CSMD2: variants seen among roughly 807,000 people sequenced by gnomAD.
The protein encoded by CSMD2 is CUB and Sushi multiple domains 2, also known as CUB and sushi domain-containing protein 2.
In CSMD2, 130 loss-of-function variants were observed where a neutral mutation model predicts 398.5. The observed-to-expected ratio is 0.33, with a 90% CI of 0.28 to 0.38. CSMD2 has a LOEUF of 0.38. Among genes scored for constraint, CSMD2 ranks in the 10% least tolerant of loss-of-function variants. The probability of loss-of-function intolerance (pLI) is 1.00; values close to 1 mark genes in which losing one functional copy is unlikely to be tolerated. For synonymous variants in CSMD2, 1,828 were observed against 1,908.5 expected (o/e 0.96, Z 1.10); for missense variants, 3,829 against 4,764.9 (o/e 0.80, Z 5.78).
chr1:33,946,971 T>G (rs1054007297), intron 3 of CSMD2, among the ~76,000 whole-genome samples: 2 of 152,124 alleles, frequency 1.3e-5, no homozygotes, highest in Non-Finnish European at 2.9e-5. Flanking sequence ...GTTTTCTGTT[T>G]GTCTGGGTCA....
At chr1:33,728,400 C>A (rs1646612196) in intron 15 of CSMD2, among the ~76,000 whole-genome samples, 1 of 151,718 alleles carries the variant, frequency 6.6e-6, no homozygotes, top group Non-Finnish European at 1.5e-5. Flanking sequence ...TTAATAGAAA[C>A]TTATATTAGG....
chr1:34,029,645 C>G (rs1650157281), intron 3 of CSMD2, among the ~76,000 whole-genome samples: 1 of 152,234 alleles, frequency 6.6e-6, no homozygotes, highest in Admixed American at 6.5e-5. Context: ...GGGTGTCTGA[C>G]TCCTTTGTTA....
intron 45 of CSMD2, 72 bp from the exon 46 acceptor site, chr1:33,586,689 G>A: frequency 2.1e-6 from 2 of 954,158 alleles, no homozygotes; most frequent in Non-Finnish European, 3.4e-6. Context: ...CCACTTCCAG[G>A]TGAGATAATC....
intron 3 of CSMD2, among the ~76,000 whole-genome samples, chr1:33,968,949 G>T (rs1645655419): frequency 6.6e-6 from 1 of 152,198 alleles, no homozygotes; most frequent in African/African-American, 2.4e-5. Context: ...TCAGGCCTCT[G>T]CTAGCCTTCA....
At position 33,648,361 on chromosome 1, in the gene CSMD2, C is replaced by CAAAAAAA. The variant is rs61207590; in HGVS notation, c.4587-1533_4587-1527dup. ...TGGGTGACAGAGCGAGACTCTGTCT[C>CAAAAAAA]AAAAAAAAAAAAAAAAAAGCAGAGC... On this transcript the variant is annotated intron_variant, in intron 28 of 70. Coordinates refer to ENST00000373381, the MANE Select transcript of CSMD2 (RefSeq NM_001281956.2). 2.1e-3 allele frequency among the ~76,000 whole-genome samples: 147 copies of CAAAAAAA among 71,608 alleles called. 1 individual carries two copies. Among genetic ancestry groups the CAAAAAAA allele is most frequent in the East Asian group, 7.2e-3 (16 of 2,212 alleles). 47.0% of individuals were successfully genotyped at this position (71,608 alleles called of 152,430 possible).
At chr1:33,826,090 C>T (rs1658778984) in intron 6 of CSMD2, among the ~76,000 whole-genome samples, 1 of 152,328 alleles carries the variant, frequency 6.6e-6, no homozygotes, top group Middle Eastern at 3.4e-3. Flanking sequence ...CTACTGAATT[C>T]AACCTGCTCC....
Position 33,725,594 on chromosome 1 carries a change from T to C in CSMD2, c.2508-58A>G, listed in dbSNP as rs958363690. On this transcript the variant is annotated intron_variant, in intron 16 of 70. Coordinates refer to ENST00000373381, the MANE Select transcript of CSMD2 (RefSeq NM_001281956.2). ...AAATCCAAGCTTATTAATTTGCAAA[T>C]GACATAAAGCCCTGCCTGACCCAGG... The C allele has an allele frequency of 3.5e-5, 54 of 1,530,418 alleles. No homozygotes were observed. The Middle Eastern group carries it at 8.4e-4, about 24-fold the overall frequency. The allele number at this position is 1,530,418 out of a possible 1,614,324, so 94.8% of individuals were successfully genotyped here. A position where few individuals can be genotyped will look rare whatever the true frequency, so the allele number is the denominator to read the frequency against.
rs74068673 is a variant in CSMD2 at position 33,981,237 on chromosome 1, A to C, written c.518-45283T>G. On this transcript the variant is annotated intron_variant, in intron 3 of 70. Coordinates refer to ENST00000373381, the MANE Select transcript of CSMD2 (RefSeq NM_001281956.2). ...GCAGTTCAACATTCCAGCTATTTGC[A>C]CTCACTTCCCACTTATTTGCAGGCC... Among the ~76,000 whole-genome samples the C allele has an allele frequency of 1.3e-3, 201 of 152,182 alleles. 2 individuals carry two copies. The highest frequency in any genetic ancestry group is 4.5e-3 in the African/African-American group (188 of 41,516).
At chr1:33,539,202 G>T (rs539707821) in intron 60 of CSMD2, among the ~76,000 whole-genome samples, 1 of 152,096 alleles carries the variant, frequency 6.6e-6, no homozygotes, top group Non-Finnish European at 1.5e-5. Context: ...TCCTGACCTC[G>T]TGATCCACCC....
chr1:33,646,933 G>A, intron 28 of CSMD2, 98 bp from the exon 29 acceptor site: 1 of 1,236,604 alleles, frequency 8.1e-7, no homozygotes, highest in African/African-American at 1.5e-5. Flanking sequence ...CTCCCAGGGA[G>A]CAAGCCCACC....
intron 53 of CSMD2, among the ~76,000 whole-genome samples, chr1:33,563,948 T>C (rs2148669528): frequency 6.6e-6 from 1 of 152,174 alleles, no homozygotes; most frequent in African/African-American, 2.4e-5. Flanking sequence ...TATTTGTTCT[T>C]TTATTCTTGC....
At chr1:33,811,323 C>G (rs1656844690) in intron 9 of CSMD2, among the ~76,000 whole-genome samples, 1 of 152,160 alleles carries the variant, frequency 6.6e-6, no homozygotes, top group Non-Finnish European at 1.5e-5. Flanking sequence ...CTGCTGTGGA[C>G]CTAATGCTGC....
rs756157968 is a variant in CSMD2, at chr1:33,542,725, C to T, written c.9272G>A (p.Cys3091Tyr). Reference protein sequence around the residue: ...NGTWTGSDPECLVINCGDPGI... With the variant: ...NGTWTGSDPEYLVINCGDPGI... ...CGTAGGGCCTGAGCTCTCACCGAGG[C>T]ACTCAGGGTCACTGCCTGTCCAGGT... Residue 3091 changes from cysteine to tyrosine, a missense_variant, in exon 58 of 71, where the codon TGC (cysteine) becomes TAC (tyrosine). Cys to Tyr is a radical substitution (Grantham distance 194, BLOSUM62 -2). Transcript: ENST00000373381. 6.2e-7 allele frequency: 1 copy of T among 1,613,152 alleles called. No individual in the cohort carries two copies. The highest frequency in any genetic ancestry group is 2.2e-5 in the East Asian group (1 of 44,878).
At chr1:33,800,948 A>C (rs989391856) in intron 10 of CSMD2, among the ~76,000 whole-genome samples, 1 of 151,732 alleles carries the variant, frequency 6.6e-6, no homozygotes, top group Non-Finnish European at 1.5e-5. Flanking sequence ...AGGGTGTTTG[A>C]GTAAATGTTT....
chr1:33,675,199 G>C (rs1187254036), intron 25 of CSMD2, among the ~76,000 whole-genome samples: 1 of 152,046 alleles, frequency 6.6e-6, no homozygotes, highest in Non-Finnish European at 1.5e-5. Context: ...CAACAAAATT[G>C]ATAGACTGCT....
chr1:33,750,240 T>C (rs1369999987), intron 13 of CSMD2, among the ~76,000 whole-genome samples: 2 of 152,080 alleles, frequency 1.3e-5, no homozygotes, highest in Non-Finnish European at 2.9e-5. Context: ...CTTAAAACCA[T>C]TGCAAGATCC....
At chr1:33,531,071 T>C (rs1388661074) in intron 64 of CSMD2, among the ~76,000 whole-genome samples, 1 of 152,188 alleles carries the variant, frequency 6.6e-6, no homozygotes, top group East Asian at 1.9e-4. Context: ...CAATGCACTG[T>C]GTACTTGAAA....
At chr1:33,960,630 C>G (rs1029714624) in intron 3 of CSMD2, among the ~76,000 whole-genome samples, 1 of 152,142 alleles carries the variant, frequency 6.6e-6, no homozygotes, top group African/African-American at 2.4e-5. Flanking sequence ...CTGTGCCAGG[C>G]ACCATGGAAG....
At chr1:34,156,280 T>G (rs1364623591) in intron 1 of CSMD2, among the ~76,000 whole-genome samples, 1 of 152,212 alleles carries the variant, frequency 6.6e-6, no homozygotes, top group Non-Finnish European at 1.5e-5. Context: ...CAATGAAGGT[T>G]GGTAGGTAGA....
Sources: gnomAD v4.1 joint callset for allele counts (sites outside exome capture counted in the v4.1 genomes callset) on GRCh38, gnomAD v4.1.1 for gene constraint, MANE v1.5 for transcripts, NCBI Gene and HGNC (gene_info 2026-07-23, HGNC 2026-07-21) for gene names.